TCERG1L: variants seen among roughly 807,000 people sequenced by gnomAD.
TCERG1L encodes transcription elongation regulator 1-like protein.
In TCERG1L, 37 loss-of-function variants were observed where a neutral mutation model predicts 56.3. The ratio of observed to expected loss-of-function variants is 0.66; its 90% CI spans 0.51 to 0.87. TCERG1L has a LOEUF of 0.87. TCERG1L is among the 40% of genes least tolerant of loss of function. The pLI is 0.00. For synonymous variants in TCERG1L, 324 were observed against 326.3 expected, an observed-to-expected ratio of 0.99 and a Z score of 0.08; for missense variants, 799 against 774.2, an observed-to-expected ratio of 1.03 and a Z score of -0.38.
rs866675336 is a variant in TCERG1L at position 131,285,427 on chromosome 10, G to A, written c.670+22784C>T. 1.8e-3 allele frequency among the ~76,000 whole-genome samples: 222 copies of A among 125,584 alleles called. 9 individuals carry two copies. Among genetic ancestry groups the A allele is most frequent in the Middle Eastern group, 4.0e-3 (1 of 248 alleles). The allele number at this position is 125,584 out of a possible 152,430, so 82.4% of individuals were successfully genotyped here. A position where few individuals can be genotyped will look rare whatever the true frequency, so the allele number is the denominator to read the frequency against. On this transcript the variant is annotated intron_variant, in intron 3 of 11. Coordinates refer to ENST00000368642, the MANE Select transcript of TCERG1L (RefSeq NM_174937.4). Reference sequence around the variant, plus strand: ...GGAAGGAAGGAAAGAGAGAGAGAGAGAAAGAGAGAAAGAGAAACAAAGAAA... The same window carrying A: ...GGAAGGAAGGAAAGAGAGAGAGAGAAAAAGAGAGAAAGAGAAACAAAGAAA...
At chr10:131,300,562 C>T (rs2133581781) in intron 3 of TCERG1L, among the ~76,000 whole-genome samples, 1 of 152,170 alleles carries the variant, frequency 6.6e-6, no homozygotes, top group South Asian at 2.1e-4. Context: ...TTTAATTTGA[C>T]TTTCTTATAT....
At chr10:131,117,683 C>T (rs776932633) in intron 8 of TCERG1L, among the ~76,000 whole-genome samples, 10 of 152,172 alleles carry the variant, frequency 6.6e-5, no homozygotes, top group Non-Finnish European at 1.5e-4. Flanking sequence ...GGCAGCTCAC[C>T]AGCACTCCCT....
At chr10:131,285,861 C>A (rs1233591501) in intron 3 of TCERG1L, among the ~76,000 whole-genome samples, 1 of 151,902 alleles carries the variant, frequency 6.6e-6, no homozygotes, top group African/African-American at 2.4e-5. Context: ...GAAATGAGCA[C>A]CAGGAAACTC....
chr10:131,277,472 G>A (rs1846405131), intron 3 of TCERG1L, among the ~76,000 whole-genome samples: 1 of 152,202 alleles, frequency 6.6e-6, no homozygotes, highest in East Asian at 1.9e-4. Flanking sequence ...AGCCACAAGA[G>A]AGGGCCGCTC....
intron 4 of TCERG1L, among the ~76,000 whole-genome samples, chr10:131,220,559 C>G (rs68190156): frequency 0.072 from 10,968 of 152,070 alleles, 519 homozygotes; most frequent in Middle Eastern, 0.11. Context: ...GAAATGGGTT[C>G]AGAGAGGGAG....
At chr10:131,151,395 G>C (rs1007103631) in intron 6 of TCERG1L, among the ~76,000 whole-genome samples, 8 of 137,326 alleles carry the variant, frequency 5.8e-5, no homozygotes, top group Non-Finnish European at 8.2e-5. Flanking sequence ...AGAGGCTATA[G>C]GCCCCATGCA....
chr10:131,197,554 G>A (rs994213979), intron 4 of TCERG1L, among the ~76,000 whole-genome samples: 3 of 151,914 alleles, frequency 2.0e-5, no homozygotes, highest in Non-Finnish European at 4.4e-5. Flanking sequence ...CAAAATGCAA[G>A]AAATTAGCCA....
intron 4 of TCERG1L, among the ~76,000 whole-genome samples, chr10:131,168,527 A>G (rs1337079765): frequency 6.6e-6 from 1 of 152,176 alleles, no homozygotes; most frequent in African/African-American, 2.4e-5. Context: ...CAGCAACACT[A>G]AGGCAGCCCA....
intron 4 of TCERG1L, among the ~76,000 whole-genome samples, chr10:131,222,353 C>T (rs887169006): frequency 2.6e-5 from 4 of 152,206 alleles, no homozygotes; most frequent in South Asian, 4.1e-4. Flanking sequence ...GCTTACTACT[C>T]GTGGATGAAT....
intron 8 of TCERG1L, among the ~76,000 whole-genome samples, chr10:131,123,092 T>C (rs1442842986): frequency 6.6e-6 from 1 of 152,160 alleles, no homozygotes; most frequent in Non-Finnish European, 1.5e-5. Flanking sequence ...ACAGCACTGC[T>C]CACCTGCAGG....
chr10:131,283,978 C>G (rs989740121), intron 3 of TCERG1L, among the ~76,000 whole-genome samples: 3 of 152,012 alleles, frequency 2.0e-5, no homozygotes, highest in Non-Finnish European at 4.4e-5. Context: ...CAAAAATTAG[C>G]CAGGCATTGC....
chr10:131,281,825 G>C (rs1486915096), intron 3 of TCERG1L, among the ~76,000 whole-genome samples: 2 of 141,522 alleles, frequency 1.4e-5, no homozygotes, highest in African/African-American at 5.4e-5. Context: ...CTAAAAGTGA[G>C]GACTGCCTGA....
chr10:131,261,970 C>T (rs1431425614), intron 3 of TCERG1L, among the ~76,000 whole-genome samples: 1 of 152,218 alleles, frequency 6.6e-6, no homozygotes, highest in Non-Finnish European at 1.5e-5. Flanking sequence ...CGTGCGAAGG[C>T]CCCGTGGCCA....
At chr10:131,234,240 AC>A (rs1376410678) in intron 4 of TCERG1L, among the ~76,000 whole-genome samples, 2 of 152,126 alleles carry the variant, frequency 1.3e-5, no homozygotes, top group Non-Finnish European at 2.9e-5. Context: ...ATCCTAATCA[AC>A]CCCAACCCAT....
intron 4 of TCERG1L, among the ~76,000 whole-genome samples, chr10:131,185,112 T>A (rs956295095): frequency 6.6e-6 from 1 of 151,916 alleles, no homozygotes; most frequent in African/African-American, 2.4e-5. Context: ...TAGAGACATA[T>A]AGATGTACAT....
intron 8 of TCERG1L, among the ~76,000 whole-genome samples, chr10:131,124,192 A>G (rs370265722): frequency 6.6e-6 from 1 of 152,126 alleles, no homozygotes; most frequent in Non-Finnish European, 1.5e-5. Context: ...GGCCTCTGAC[A>G]GGTCTCCAAG....
intron 4 of TCERG1L, among the ~76,000 whole-genome samples, chr10:131,220,744 C>T (rs1348673340): frequency 1.3e-5 from 2 of 152,158 alleles, no homozygotes; most frequent in Non-Finnish European, 2.9e-5. Flanking sequence ...CCCCCCAGCT[C>T]CTCCGCCCCT....
intron 6 of TCERG1L, among the ~76,000 whole-genome samples, chr10:131,157,050 AGG>A (rs1422655403): frequency 6.6e-6 from 1 of 152,202 alleles, no homozygotes; most frequent in East Asian, 1.9e-4. Context: ...CTTCTGGGCT[AGG>A]CACACCTACT....
At chr10:131,124,055 T>C (rs1183765404) in intron 8 of TCERG1L, among the ~76,000 whole-genome samples, 3 of 152,096 alleles carry the variant, frequency 2.0e-5, no homozygotes, top group Non-Finnish European at 4.4e-5. Flanking sequence ...GGGGGACACT[T>C]TTCTGTCAAT....
Sources: gnomAD v4.1 joint callset for allele counts (sites outside exome capture counted in the v4.1 genomes callset) on GRCh38, gnomAD v4.1.1 for gene constraint, MANE v1.5 for transcripts, NCBI Gene and HGNC (gene_info 2026-07-23, HGNC 2026-07-21) for gene names.